Variants in MBD5 observed in about 807,000 individuals in gnomAD.
MBD5 encodes methyl-CpG binding domain protein 5.
MBD5 carries 13 observed loss-of-function variants against 117.3 expected under a neutral mutation model. The observed-to-expected ratio is 0.11, with a 90% confidence interval of 0.07 to 0.18. MBD5 has a LOEUF of 0.18. MBD5 is among the 10% of genes least tolerant of loss of function. MBD5 has a pLI of 1.00. For missense variants in MBD5, 1,879 were observed against 2,093.8 expected (o/e 0.90, Z 2.00); for synonymous variants, 727 against 766.4 (o/e 0.95, Z 0.85).
rs577076737 is a variant in MBD5, at chr2:148,096,570, C to T, written c.-925+74886C>T. 2.0e-5 allele frequency among the ~76,000 whole-genome samples: 3 copies of T among 152,236 alleles called. No homozygotes were observed. The South Asian group carries it at 6.2e-4, about 32-fold the overall frequency. On this transcript the variant is annotated intron_variant, in intron 1 of 13. Coordinates refer to ENST00000642680, the MANE Select transcript of MBD5 (RefSeq NM_001378120.1). ...TGAACCTGGATGTTCTGACACCAAG[C>T]CATTGTGCTTTCCTTGGCTCTGATT...
chr2:148,388,433 C>T (rs1704447384), intron 4 of MBD5, among the ~76,000 whole-genome samples: 1 of 152,076 alleles, frequency 6.6e-6, no homozygotes, highest in Non-Finnish European at 1.5e-5. Flanking sequence ...ATAATTACTT[C>T]TGAGGCAGGG....
chr2:148,290,263 T>G (rs1701471820), intron 3 of MBD5, among the ~76,000 whole-genome samples: 1 of 151,206 alleles, frequency 6.6e-6, no homozygotes, highest in Non-Finnish European at 1.5e-5. Context: ...CAGCCAAAAA[T>G]CATGTATTAC....
chr2:148,021,090 C>T (rs531975931), upstream of MBD5: 2 of 153,400 alleles, frequency 1.3e-5, no homozygotes, highest in African/African-American at 2.4e-5. Context: ...CCCTCCCCCC[C>T]AAGCAGAGAG....
chr2:148,338,128 T>C (rs1702844643), intron 3 of MBD5, among the ~76,000 whole-genome samples: 1 of 152,152 alleles, frequency 6.6e-6, no homozygotes, highest in Non-Finnish European at 1.5e-5. Context: ...TGAATAGATA[T>C]TTAATATTAT....
At chr2:148,213,431 A>G (rs775450291) in intron 2 of MBD5, among the ~76,000 whole-genome samples, 2 of 152,136 alleles carry the variant, frequency 1.3e-5, no homozygotes, top group African/African-American at 4.8e-5. Flanking sequence ...TAAATTATGT[A>G]TGGGGCAGGG....
intron 4 of MBD5, among the ~76,000 whole-genome samples, chr2:148,445,879 T>C (rs1706491606): frequency 6.6e-6 from 1 of 151,472 alleles, no homozygotes; most frequent in Non-Finnish European, 1.5e-5. Context: ...ATTTCTCTAA[T>C]GGCCGGTGAT....
chr2:148,298,680 T>C (rs1206646245), intron 3 of MBD5, among the ~76,000 whole-genome samples: 1 of 152,244 alleles, frequency 6.6e-6, no homozygotes, highest in Non-Finnish European at 1.5e-5. Context: ...AGGAACTTTA[T>C]TACTGTATGA....
chr2:148,030,684 T>G (rs1694014701), intron 1 of MBD5, among the ~76,000 whole-genome samples: 1 of 152,194 alleles, frequency 6.6e-6, no homozygotes, highest in Non-Finnish European at 1.5e-5. Context: ...TCTTTAGCAT[T>G]ACTTGGATTT....
Position 148,458,646 on chromosome 2 carries a change from G to A in MBD5, c.-113G>A. 2 of 877,226 alleles carry A rather than the reference G, an allele frequency of 2.3e-6. 1 individual carries two copies. Among genetic ancestry groups the A allele is most frequent in the Middle Eastern group, 5.7e-4 (2 of 3,532 alleles). The allele number at this position is 877,226 out of a possible 1,614,324, so 54.3% of individuals were successfully genotyped here. ...GAAGCTTCCCAATGCGTTTTGTACA[G>A]TCTGGGAAAAACTGTGCTGCACTGG... On this transcript the variant is annotated 5_prime_UTR_variant, in exon 5 of 14. Coordinates refer to ENST00000642680, the MANE Select transcript of MBD5 (RefSeq NM_001378120.1).
At chr2:148,279,438 T>C (rs1218215308) in intron 3 of MBD5, among the ~76,000 whole-genome samples, 1 of 152,030 alleles carries the variant, frequency 6.6e-6, no homozygotes, top group Non-Finnish European at 1.5e-5. Flanking sequence ...CTGTAAAAAA[T>C]AAAAATTAAG....
Position 148,490,703 on chromosome 2 carries a change from A to G in MBD5, c.4962+109A>G, listed in dbSNP as rs1574486239. 36 of 1,387,860 alleles carry G rather than the reference A, an allele frequency of 2.6e-5. No individual in the cohort carries two copies. The East Asian group carries it at 8.3e-4, about 32-fold the overall frequency. 86.0% of individuals were successfully genotyped at this position (1,387,860 alleles called of 1,614,324 possible). On this transcript the variant is annotated intron_variant, in intron 11 of 13. Coordinates refer to ENST00000642680, the MANE Select transcript of MBD5 (RefSeq NM_001378120.1). ...TTTGGATTTGAAATTAGGATTCTTC[A>G]TGACTCATTGAGGTCTCACAAGCTT...
At chr2:148,039,903 GCTT>G in intron 1 of MBD5, among the ~76,000 whole-genome samples, 1 of 152,176 alleles carries the variant, frequency 6.6e-6, no homozygotes, top group African/African-American at 2.4e-5. Context: ...ACATATTCCT[GCTT>G]CTTATTTTGT....
rs1334545051 is a variant in MBD5 at position 148,469,473 on chromosome 2, C to G, written c.1530C>G (p.Thr510=). ...CATCAATGCCATCAAGCCCTTCTAC[C>G]AAGTCCGATGGACATCATCAGTACA... ...PRPSMPSSPS[T]KSDGHHQYKD... Residue 510 remains threonine, a synonymous_variant, in exon 8 of 14, where the codon ACC becomes ACG. Transcript: ENST00000642680. 2 of 1,613,732 alleles carry G rather than the reference C, an allele frequency of 1.2e-6. No individual in the cohort carries two copies. Among genetic ancestry groups the G allele is most frequent in the African/African-American group, 1.3e-5 (1 of 74,904 alleles).
chr2:148,253,889 G>A (rs540353038), intron 3 of MBD5, among the ~76,000 whole-genome samples: 67 of 152,266 alleles, frequency 4.4e-4, no homozygotes, highest in African/African-American at 1.2e-3. Context: ...ATAAATGTGC[G>A]GGGTTGTGCA....
chr2:148,108,348 A>G (rs910600086), intron 1 of MBD5, among the ~76,000 whole-genome samples: 2 of 152,030 alleles, frequency 1.3e-5, no homozygotes, highest in African/African-American at 4.8e-5. Flanking sequence ...CCTTTTTTAT[A>G]ATTTTTGTGA....
intron 2 of MBD5, among the ~76,000 whole-genome samples, chr2:148,186,582 GC>G (rs1698663954): frequency 6.6e-6 from 1 of 152,178 alleles, no homozygotes; most frequent in Non-Finnish European, 1.5e-5. Flanking sequence ...GAAGAAAAGA[GC>G]CTCAAATTAA....
intron 1 of MBD5, among the ~76,000 whole-genome samples, chr2:148,094,709 G>A (rs919431120): frequency 6.6e-6 from 1 of 151,990 alleles, no homozygotes; most frequent in African/African-American, 2.4e-5. Context: ...GTAAAATCTG[G>A]ATGAGAATGT....
At chr2:148,229,235 A>G (rs1699922816) in intron 2 of MBD5, among the ~76,000 whole-genome samples, 3 of 151,030 alleles carry the variant, frequency 2.0e-5, no homozygotes, top group Admixed American at 1.3e-4. Flanking sequence ...CTTCAAGCTC[A>G]TTAATTCTTT....
intron 3 of MBD5, among the ~76,000 whole-genome samples, chr2:148,248,907 AG>A (rs1162673582): frequency 1.3e-5 from 2 of 152,070 alleles, no homozygotes; most frequent in Non-Finnish European, 2.9e-5. Flanking sequence ...AATTAGGATA[AG>A]GGTTGACTTT....
Sources: allele counts gnomAD v4.1 joint callset (sites outside exome capture counted in the v4.1 genomes callset), GRCh38; gene constraint gnomAD v4.1.1; transcripts MANE v1.5; gene names NCBI Gene and HGNC (gene_info 2026-07-23, HGNC 2026-07-21).